Variants in TNKS observed in about 807,000 individuals in gnomAD.
The protein encoded by TNKS is poly [ADP-ribose] polymerase tankyrase-1.
Under a neutral mutation model 135.8 loss-of-function variants are expected in TNKS, and 72 were observed. The observed-to-expected ratio is 0.53, with a 90% CI of 0.44 to 0.64. The LOEUF (loss-of-function observed/expected upper bound fraction) is 0.64. Among genes scored for constraint, TNKS ranks in the 30% least tolerant of loss-of-function variants. The probability of loss-of-function intolerance (pLI) is 0.00; values close to 1 mark genes in which losing one functional copy is unlikely to be tolerated. For synonymous variants in TNKS, 849 were observed against 649.3 expected (o/e 1.31, Z -4.68); for missense variants, 1,769 against 1,674.0 (o/e 1.06, Z -0.99).
chr8:9,608,432 GA>G, intron 2 of TNKS, among the ~76,000 whole-genome samples: 1 of 151,510 alleles, frequency 6.6e-6, no homozygotes, highest in African/African-American at 2.4e-5. Flanking sequence ...TTAACAAGGC[GA>G]TTTTTTTTTT....
At chr8:9,578,921 C>G (rs1798058226) in intron 1 of TNKS, among the ~76,000 whole-genome samples, 1 of 152,056 alleles carries the variant, frequency 6.6e-6, no homozygotes, top group Non-Finnish European at 1.5e-5. Flanking sequence ...GTAATTTTAC[C>G]ACTATACTAA....
intron 2 of TNKS, among the ~76,000 whole-genome samples, chr8:9,583,533 G>T (rs906711710): frequency 9.9e-5 from 15 of 151,906 alleles, no homozygotes; most frequent in Non-Finnish European, 2.2e-4. Context: ...TCTGTCACCA[G>T]GCTGGAGTGC....
At chr8:9,676,232 C>T (rs934143303) in intron 3 of TNKS, among the ~76,000 whole-genome samples, 1 of 151,846 alleles carries the variant, frequency 6.6e-6, no homozygotes, top group Non-Finnish European at 1.5e-5. Context: ...AGGCTAGTCT[C>T]GAACTCCTGA....
intron 3 of TNKS, among the ~76,000 whole-genome samples, chr8:9,657,491 C>A (rs1585287585): frequency 5.6e-5 from 5 of 89,660 alleles, no homozygotes; most frequent in South Asian, 5.3e-4. Flanking sequence ...CCCCCACCTC[C>A]CTCCCGGACG....
chr8:9,772,152 T>G (rs1019085582), intron 26 of TNKS, among the ~76,000 whole-genome samples: 33 of 150,362 alleles, frequency 2.2e-4, no homozygotes, highest in Admixed American at 1.9e-3. Flanking sequence ...CATGTACCCA[T>G]TATTAGACCA....
At chr8:9,689,919 G>C (rs1803184086) in intron 5 of TNKS, among the ~76,000 whole-genome samples, 1 of 152,168 alleles carries the variant, frequency 6.6e-6, no homozygotes, top group Non-Finnish European at 1.5e-5. Flanking sequence ...TCTATCTGTT[G>C]TCCATTACGT....
intron 14 of TNKS, among the ~76,000 whole-genome samples, chr8:9,732,079 C>T (rs1805474600): frequency 6.6e-6 from 1 of 152,214 alleles, no homozygotes; most frequent in African/African-American, 2.4e-5. Flanking sequence ...TGAGCCACTG[C>T]ACCCAGCCCT....
chr8:9,655,250 C>T (rs1205063996), intron 3 of TNKS, among the ~76,000 whole-genome samples: 5 of 152,202 alleles, frequency 3.3e-5, no homozygotes, highest in African/African-American at 9.6e-5. Flanking sequence ...CCCGGAAACT[C>T]GAACTGGGTG....
chr8:9,763,155 C>A lies in TNKS; in HGVS notation c.3283C>A (p.Pro1095Thr), dbSNP rs200255841. ...ATTTTTCTCTCCGACAGGCACCAAT[C>A]CTTATTTGACTTTTCACTGTGTTAA... ...RLLGGQQGTN[P>T]YLTFHCVNQG... The change falls in exon 22 of 27, where the codon CCT (proline) becomes ACT (threonine). Residue 1095 changes from proline (P) to threonine (T), a missense_variant. Physicochemically the swap from Pro to Thr is conservative, Grantham distance 38 (BLOSUM62 -1). Coordinates refer to ENST00000310430, the MANE Select transcript of TNKS (RefSeq NM_003747.3). 9.3e-5 allele frequency: 147 copies of A among 1,583,514 alleles called. No individual in the cohort carries two copies. In the East Asian group the frequency reaches 3.2e-3, roughly 35 times the overall value.
intron 3 of TNKS, among the ~76,000 whole-genome samples, chr8:9,666,777 A>G (rs746227745): frequency 2.6e-5 from 4 of 152,110 alleles, no homozygotes; most frequent in Admixed American, 6.5e-5. Context: ...AGTAAGTACA[A>G]ATGTCCCTGC....
chr8:9,692,924 C>G (rs555935584), intron 5 of TNKS, among the ~76,000 whole-genome samples: 50 of 152,126 alleles, frequency 3.3e-4, no homozygotes, highest in Non-Finnish European at 6.5e-4. Flanking sequence ...GATTCTCTAG[C>G]TGTTAATTTG....
At chr8:9,736,013 C>G (rs1048943941) in intron 17 of TNKS, among the ~76,000 whole-genome samples, 11 of 151,384 alleles carry the variant, frequency 7.3e-5, no homozygotes, top group African/African-American at 1.9e-4. Context: ...GCTTTTTGGT[C>G]TCAGCACGTT....
chr8:9,778,215 T>C lies in TNKS; in HGVS notation c.*1479T>C, dbSNP rs1808313045. ...TTAACTGAATATGAATTGAGTGCACTAACTTATTTACTTGATATACTGTGC... is the reference window on the plus strand; with the variant it reads ...TTAACTGAATATGAATTGAGTGCACCAACTTATTTACTTGATATACTGTGC... On this transcript the variant is annotated 3_prime_UTR_variant, in exon 27 of 27. Transcript: ENST00000310430. The C allele has an allele frequency of 6.6e-6, 1 of 152,572 alleles. No homozygotes were observed. 9.5% of individuals were successfully genotyped at this position (152,572 alleles called of 1,614,324 possible).
At chr8:9,567,577 G>C (rs532663371) in intron 1 of TNKS, among the ~76,000 whole-genome samples, 5 of 152,070 alleles carry the variant, frequency 3.3e-5, no homozygotes, top group Non-Finnish European at 7.4e-5. Flanking sequence ...CACCACGCCC[G>C]GCTAATTTTT....
chr8:9,721,499 T>A (rs920551603), intron 12 of TNKS, among the ~76,000 whole-genome samples: 1 of 151,712 alleles, frequency 6.6e-6, no homozygotes, highest in African/African-American at 2.4e-5. Context: ...TTTCCTAACC[T>A]TTTAATTTTG....
intron 24 of TNKS, among the ~76,000 whole-genome samples, 192 bp downstream of exon 24, chr8:9,765,989 A>G (rs1315606668): frequency 1.3e-5 from 2 of 152,238 alleles, no homozygotes; most frequent in Non-Finnish European, 2.9e-5. Context: ...TTTCCAGTGC[A>G]TATACAGTGA....
intron 3 of TNKS, among the ~76,000 whole-genome samples, chr8:9,638,345 G>A (rs980395777): frequency 1.3e-5 from 2 of 152,156 alleles, no homozygotes; most frequent in Non-Finnish European, 2.9e-5. Context: ...TTTCTCATTA[G>A]TTAAAGTATA....
intron 3 of TNKS, among the ~76,000 whole-genome samples, chr8:9,620,707 C>A (rs998841961): frequency 6.6e-6 from 1 of 152,194 alleles, no homozygotes; most frequent in East Asian, 1.9e-4. Flanking sequence ...AAGCTATTTA[C>A]TGAAACTGGA....
chr8:9,588,211 T>A (rs1271295323), intron 2 of TNKS, among the ~76,000 whole-genome samples: 2 of 152,194 alleles, frequency 1.3e-5, no homozygotes. Flanking sequence ...GAACATTTTC[T>A]TTGTAATCTT....
Sources: allele counts gnomAD v4.1 joint callset (sites outside exome capture counted in the v4.1 genomes callset), GRCh38; gene constraint gnomAD v4.1.1; transcripts MANE v1.5; gene names NCBI Gene and HGNC (gene_info 2026-07-23, HGNC 2026-07-21).